TRIP11: variants seen among roughly 807,000 people sequenced by gnomAD.
TRIP11 encodes thyroid receptor-interacting protein 11.
Under a neutral mutation model 223.1 loss-of-function variants are expected in TRIP11, and 148 were observed. The ratio of observed to expected loss-of-function variants is 0.66; its 90% CI spans 0.58 to 0.76. The LOEUF is 0.76. Ranked by LOEUF, TRIP11 falls within the 30% of genes least tolerant of loss-of-function variation. TRIP11 has a pLI of 0.00. For synonymous variants in TRIP11, 762 were observed against 772.6 expected (o/e 0.99, Z 0.23); for missense variants, 2,043 against 2,222.0 (o/e 0.92, Z 1.62).
At chr14:91,996,080 A>G (rs1183967695) in intron 13 of TRIP11, among the ~76,000 whole-genome samples, 1 of 152,200 alleles carries the variant, frequency 6.6e-6, no homozygotes, top group Non-Finnish European at 1.5e-5. Flanking sequence ...CTGTTGTACA[A>G]CCACCACCAC....
At chr14:91,988,811 C>G (rs1595374645) in intron 15 of TRIP11, among the ~76,000 whole-genome samples, 1 of 152,120 alleles carries the variant, frequency 6.6e-6, no homozygotes, top group Non-Finnish European at 1.5e-5. Flanking sequence ...TGAATTTGAG[C>G]ATTACTTTTC....
chr14:92,018,404 A>G (rs1038597404), intron 4 of TRIP11, among the ~76,000 whole-genome samples: 59 of 152,174 alleles, frequency 3.9e-4, no homozygotes, highest in Non-Finnish European at 1.8e-4. Flanking sequence ...AAATGATTTT[A>G]CCCAGAAGAT....
At chr14:92,021,899 T>C in intron 3 of TRIP11, 68 bp from the exon 4 acceptor site, 1 of 1,540,884 alleles carries the variant, frequency 6.5e-7, no homozygotes, top group Non-Finnish European at 8.9e-7. Context: ...TTTATAGATT[T>C]GTATTAAAAG....
At chr14:92,034,650 T>A (rs1229053204) in intron 1 of TRIP11, among the ~76,000 whole-genome samples, 1 of 152,236 alleles carries the variant, frequency 6.6e-6, no homozygotes, top group Non-Finnish European at 1.5e-5. Context: ...TCATCTTTAT[T>A]TTTTAATTTT....
chr14:92,039,608 G>A lies in TRIP11; in HGVS notation c.78C>T (p.Leu26=). The change falls in exon 1 of 21, where the codon CTC becomes CTT. Residue 26 remains leucine, a synonymous_variant. Coordinates refer to ENST00000267622, the MANE Select transcript of TRIP11 (RefSeq NM_004239.4). ...LGQVGGSLAS[L]TGQISNFTKD... The stretch of plus-strand genomic sequence containing the variant: ...TTGTAAAGTTTGATATCTGGCCAGT[G>A]AGGGAAGCCAGGCTGCCCCCGACTT... 6.2e-7 allele frequency: 1 copy of A among 1,613,468 alleles called. No homozygotes were observed. The highest frequency in any genetic ancestry group is 1.3e-5 in the African/African-American group (1 of 75,028).
intron 2 of TRIP11, among the ~76,000 whole-genome samples, chr14:92,030,269 T>C (rs4556729): frequency 0.26 from 38,185 of 146,796 alleles, 4,914 homozygotes; most frequent in East Asian, 0.35. Flanking sequence ...AAAAAAGAAA[T>C]ATGGCTTTCA....
chr14:91,982,133 C>T (rs527961692), intron 16 of TRIP11, among the ~76,000 whole-genome samples: 19 of 152,216 alleles, frequency 1.2e-4, no homozygotes, highest in African/African-American at 2.6e-4. Flanking sequence ...TTGGATTATT[C>T]ACCAGAGTTA....
Position 91,992,908 on chromosome 14 carries a change from C to CAAAA in TRIP11, c.5160+897_5160+900dup, listed in dbSNP as rs550702989. On this transcript the variant is annotated intron_variant, in intron 15 of 20. Coordinates refer to ENST00000267622, the MANE Select transcript of TRIP11 (RefSeq NM_004239.4). ...TGGGCAACAGAGCGAGACTCCGTCT[C>CAAAA]AAAAAAAAAAAAAAAAAAAAAAAAA... Among the ~76,000 whole-genome samples, 245 of 29,298 alleles carry CAAAA rather than the reference C, an allele frequency of 8.4e-3. 9 individuals carry two copies. The highest frequency in any genetic ancestry group is 0.011 in the Non-Finnish European group (155 of 13,730). 19.2% of individuals were successfully genotyped at this position (29,298 alleles called of 152,430 possible).
intron 11 of TRIP11, among the ~76,000 whole-genome samples, chr14:92,003,170 T>C (rs1023744573): frequency 3.3e-5 from 5 of 152,144 alleles, no homozygotes; most frequent in Non-Finnish European, 5.9e-5. Context: ...AAGAAAAATA[T>C]TAAGTACTAC....
At chr14:92,029,280 ATTTTTT>A (rs60778253) in intron 2 of TRIP11, among the ~76,000 whole-genome samples, 1,962 of 76,830 alleles carry the variant, frequency 0.026, 43 homozygotes, top group African/African-American at 0.083. Flanking sequence ...CCAAAGTATT[ATTTTTT>A]TTTTTTTTTT....
chr14:92,003,362 T>TA lies in TRIP11; in HGVS notation c.4557+56dup, dbSNP rs548535666. On this transcript the variant is annotated intron_variant, in intron 11 of 20. Transcript: ENST00000267622. Reference sequence around the variant, plus strand: ...AAAGACAATATAAATGAAATAACATTAAAAAAAGTCTCCTCCACCCCCAAC... The same window carrying TA: ...AAAGACAATATAAATGAAATAACATTAAAAAAAAGTCTCCTCCACCCCCAAC... 11 of 1,600,256 alleles carry TA rather than the reference T, an allele frequency of 6.9e-6. No homozygotes were observed. The African/African-American group carries it at 8.0e-5, about 12-fold the overall frequency.
intron 16 of TRIP11, among the ~76,000 whole-genome samples, chr14:91,984,393 G>A (rs974651067): frequency 6.3e-5 from 9 of 143,080 alleles, no homozygotes; most frequent in Admixed American, 1.5e-4. Context: ...TCAACTCACC[G>A]CAACCTCCAC....
chr14:92,004,507 C>A lies in TRIP11; in HGVS notation c.3469G>T (p.Glu1157Ter), dbSNP rs1169949562. The change falls in exon 11 of 21, where the codon GAA becomes TAA. Residue 1157 changes from glutamate to a stop codon, truncating the protein, a stop_gained. Coordinates refer to ENST00000267622, the MANE Select transcript of TRIP11 (RefSeq NM_004239.4). LOFTEE classifies it high-confidence loss of function. Reference protein sequence around the residue: ...FESSGQDMFRETIQNLSRIIR... With the variant: ...FESSGQDMFR The stretch of plus-strand genomic sequence containing the variant: ...ATACGTGATAAATTCTGAATAGTTT[C>A]TCTAAACATATCTTGGCCACTACTT... 1 of 1,613,190 alleles carries A rather than the reference C, an allele frequency of 6.2e-7. No individual in the cohort carries two copies. Among genetic ancestry groups the A allele is most frequent in the Non-Finnish European group, 8.5e-7 (1 of 1,179,996 alleles).
chr14:91,974,512 C>G (rs1055007505), intron 19 of TRIP11, 115 bp downstream of exon 19: 100 of 884,378 alleles, frequency 1.1e-4, no homozygotes, highest in East Asian at 5.4e-5. Context: ...TCTGCAACTT[C>G]AAAATAAAAG....
chr14:91,989,142 T>G lies in TRIP11; in HGVS notation c.5161-759A>C, dbSNP rs565406818. Among the ~76,000 whole-genome samples the G allele has an allele frequency of 1.2e-4, 19 of 152,372 alleles. No homozygotes were observed. In the South Asian group the frequency reaches 3.9e-3, roughly 32 times the overall value. ...AATGTAAATGTAGTCTTCCAGATTT[T>G]ATTACAAGATATTTTGTAATATAGT... On this transcript the variant is annotated intron_variant, in intron 15 of 20. Coordinates refer to ENST00000267622, the MANE Select transcript of TRIP11 (RefSeq NM_004239.4).
At chr14:91,977,370 T>C (rs2056479098) in intron 16 of TRIP11, 1 of 308,314 alleles carries the variant, frequency 3.2e-6, no homozygotes, top group Non-Finnish European at 6.4e-6. Context: ...TTAAGCGTTT[T>C]ATAGTTTTAA....
At chr14:92,033,712 G>T (rs766611740) in intron 1 of TRIP11, among the ~76,000 whole-genome samples, 2 of 152,156 alleles carry the variant, frequency 1.3e-5, no homozygotes, top group Admixed American at 6.5e-5. Flanking sequence ...AAACCTGAGA[G>T]GGGTGTTCGG....
intron 15 of TRIP11, among the ~76,000 whole-genome samples, chr14:91,990,370 A>G (rs2140099584): frequency 6.6e-6 from 1 of 152,216 alleles, no homozygotes; most frequent in South Asian, 2.1e-4. Context: ...TATTCTTTCT[A>G]CCAGTTGTTT....
chr14:92,005,239 T>G lies in TRIP11; in HGVS notation c.2737A>C (p.Lys913Gln). 2 of 1,614,204 alleles carry G rather than the reference T, an allele frequency of 1.2e-6. No homozygotes were observed. Among genetic ancestry groups the G allele is most frequent in the East Asian group, 4.5e-5 (2 of 44,888 alleles). The change falls in exon 11 of 21, where the codon AAA (lysine) becomes CAA (glutamine). Residue 913 changes from lysine to glutamine, a missense_variant. Coordinates refer to ENST00000267622, the MANE Select transcript of TRIP11 (RefSeq NM_004239.4). ...TIKEHLEEEI[K>Q]HHQKIIEDQN... is the part of the protein sequence containing the mutation. ...TCTTCAATTATCTTTTGATGATGTT[T>G]AATTTCCTCTTCAAGATGTTCCTTG...
Sources: gnomAD v4.1 joint callset for allele counts (sites outside exome capture counted in the v4.1 genomes callset) on GRCh38, gnomAD v4.1.1 for gene constraint, MANE v1.5 for transcripts, NCBI Gene and HGNC (gene_info 2026-07-23, HGNC 2026-07-21) for gene names.